The following PLEKHB2 variants were observed in gnomAD, a reference collection of about 807,000 sequenced individuals.
The protein encoded by PLEKHB2 is pleckstrin homology domain containing B2.
PLEKHB2 carries 31 observed loss-of-function variants against 36.5 expected under a neutral mutation model. The observed-to-expected ratio is 0.85, with a 90% CI of 0.64 to 1.15. The LOEUF (loss-of-function observed/expected upper bound fraction) is 1.15, where lower values mean the gene tolerates loss of function less well. PLEKHB2 is among the 50% of genes most tolerant of loss of function. The probability of loss-of-function intolerance (pLI) is 0.00; values close to 1 mark genes in which losing one functional copy is unlikely to be tolerated. For missense variants in PLEKHB2, 262 were observed against 295.3 expected (o/e 0.89, Z 0.83); for synonymous variants, 119 against 112.0 (o/e 1.06, Z -0.39).
intron 4 of PLEKHB2, among the ~76,000 whole-genome samples, chr2:131,130,319 C>T (rs1025480566): frequency 3.3e-5 from 5 of 152,168 alleles, no homozygotes; most frequent in African/African-American, 1.2e-4. Context: ...GCTGGGATTA[C>T]AGGTATGAGG....
chr2:131,126,720 T>C lies in PLEKHB2; in HGVS notation c.227T>C (p.Met76Thr). 6.2e-7 allele frequency: 1 copy of C among 1,611,690 alleles called. No individual in the cohort carries two copies. Among genetic ancestry groups the C allele is most frequent in the Non-Finnish European group, 8.5e-7 (1 of 1,177,714 alleles). ...CCGGATGGAAAGTCAAAAGACTGCA[T>C]GCTCCAGATTGTTTGTCGAGATGGG... ...QPPDGKSKDC[M>T]LQIVCRDGKT... Residue 76 changes from methionine (M) to threonine (T), a missense_variant, in exon 4 of 8, where the codon ATG becomes ACG. By Grantham distance (81) the Met-to-Thr change is moderately conservative (BLOSUM62 -1). Transcript: ENST00000693505.
At chr2:131,130,490 AAAAGT>A (rs1697569270) in intron 4 of PLEKHB2, among the ~76,000 whole-genome samples, 4 of 152,228 alleles carry the variant, frequency 2.6e-5, no homozygotes, top group South Asian at 2.1e-4. Context: ...ACATTTATTA[AAAAGT>A]AAAGTAAAAA....
At chr2:131,107,939 T>G (rs1694902471) in intron 1 of PLEKHB2, 1 of 152,346 alleles carries the variant, frequency 6.6e-6, no homozygotes, top group Non-Finnish European at 1.5e-5. Flanking sequence ...GTTGGGATTA[T>G]AGGCGTGAGC....
At chr2:131,140,345 GT>G (rs1698663238) in intron 7 of PLEKHB2, 70 bp downstream of exon 7, 22 of 787,504 alleles carry the variant, frequency 2.8e-5, no homozygotes, top group South Asian at 2.5e-4. Flanking sequence ...ACCTGTAAAC[GT>G]TTTTATTTTT....
Position 131,143,414 on chromosome 2 carries a change from A to T in PLEKHB2, c.532+3139A>T, listed in dbSNP as rs530477122. On this transcript the variant is annotated intron_variant, in intron 7 of 7. Transcript: ENST00000693505. ...ACTGGCTTCAGCAGTTAACCATATC[A>T]TGTCTAATCTTTTATCTCTACCTCA... 2.7e-4 allele frequency among the ~76,000 whole-genome samples: 41 copies of T among 152,328 alleles called. 3 individuals carry two copies. The South Asian group carries it at 6.2e-3, about 23-fold the overall frequency.
intron 6 of PLEKHB2, among the ~76,000 whole-genome samples, chr2:131,138,478 A>G (rs955479046): frequency 9.2e-5 from 14 of 152,050 alleles, no homozygotes; most frequent in Admixed American, 9.2e-4. Context: ...TAAGTACTGT[A>G]AGACTCTGAA....
intron 1 of PLEKHB2, among the ~76,000 whole-genome samples, chr2:131,119,428 C>T (rs910469229): frequency 9.2e-5 from 14 of 152,248 alleles, no homozygotes; most frequent in African/African-American, 3.1e-4. Context: ...GCAGCACATG[C>T]TGCTCCGCCT....
chr2:131,142,439 G>T (rs889348995), intron 7 of PLEKHB2, among the ~76,000 whole-genome samples: 2 of 151,234 alleles, frequency 1.3e-5, no homozygotes, highest in Admixed American at 6.6e-5. Context: ...ATTGGGTGAT[G>T]TATTATTAAA....
Position 131,120,923 on chromosome 2 carries a change from T to C in PLEKHB2, c.-8-11T>C. On this transcript the variant is annotated splice_polypyrimidine_tract_variant and intron_variant, in intron 1 of 7. Transcript: ENST00000693505. ...GGTATGATTTTGAACCTGCCTGTTT[T>C]TGTTCTGTAGGTGAAGAGATGGCGT... The C allele has an allele frequency of 6.2e-7, 1 of 1,614,108 alleles. No individual in the cohort carries two copies. Among genetic ancestry groups the C allele is most frequent in the South Asian group, 1.1e-5 (1 of 91,086 alleles).
At chr2:131,121,404 A>T (rs1007987988) in intron 2 of PLEKHB2, among the ~76,000 whole-genome samples, 1 of 151,988 alleles carries the variant, frequency 6.6e-6, no homozygotes, top group Non-Finnish European at 1.5e-5. Context: ...ACACACCACC[A>T]TGCCCGGCTA....
rs1699454567 is a variant in PLEKHB2 at position 131,148,533 on chromosome 2, T to C, written c.*1760T>C. ...CTCCAGGTAGCACAGACTTGTTATT[T>C]TGCCTGGCTGGTTACACACATGCTG... On this transcript the variant is annotated 3_prime_UTR_variant, in exon 8 of 8. Transcript: ENST00000693505. 6.6e-6 allele frequency: 1 copy of C among 152,150 alleles called. No homozygotes were observed. Among genetic ancestry groups the C allele is most frequent in the Non-Finnish European group, 1.5e-5 (1 of 68,042 alleles). The allele number at this position is 152,150 out of a possible 1,614,324, so 9.4% of individuals were successfully genotyped here.
At chr2:131,121,162 G>A (rs1239224997) in intron 2 of PLEKHB2, among the ~76,000 whole-genome samples, 184 bp downstream of exon 2, 1 of 152,174 alleles carries the variant, frequency 6.6e-6, no homozygotes, top group Non-Finnish European at 1.5e-5. Flanking sequence ...GCTCCTCCTT[G>A]GTTGCTGAGT....
chr2:131,125,464 G>A (rs1175359559), intron 2 of PLEKHB2, among the ~76,000 whole-genome samples: 1 of 152,202 alleles, frequency 6.6e-6, no homozygotes, highest in Non-Finnish European at 1.5e-5. Context: ...TAAGGGGCCA[G>A]GGGAAGAGTT....
intron 6 of PLEKHB2, among the ~76,000 whole-genome samples, chr2:131,138,214 T>C (rs1166263506): frequency 1.3e-5 from 2 of 152,076 alleles, no homozygotes; most frequent in African/African-American, 4.8e-5. Context: ...ATTCTTTATA[T>C]CTTGATATAT....
intron 2 of PLEKHB2, among the ~76,000 whole-genome samples, chr2:131,122,988 A>G (rs1034787297): frequency 3.3e-5 from 5 of 152,182 alleles, no homozygotes; most frequent in Non-Finnish European, 7.3e-5. Context: ...TTTGAGGGCA[A>G]GCTTTCCCTT....
At chr2:131,121,535 C>T (rs929882882) in intron 2 of PLEKHB2, among the ~76,000 whole-genome samples, 1 of 152,194 alleles carries the variant, frequency 6.6e-6, no homozygotes, top group Non-Finnish European at 1.5e-5. Context: ...GCGTGAGCCA[C>T]CGTGCCCAGC....
intron 6 of PLEKHB2, among the ~76,000 whole-genome samples, chr2:131,137,155 G>C (rs1342048290): frequency 6.7e-6 from 1 of 149,114 alleles, no homozygotes; most frequent in Non-Finnish European, 1.5e-5. Context: ...CACTGTGTTA[G>C]CCAGGACGGT....
chr2:131,144,310 C>T lies in PLEKHB2; in HGVS notation c.533-2327C>T, dbSNP rs117525590. 7.4e-4 allele frequency: 321 copies of T among 434,036 alleles called. 3 individuals carry two copies. In the East Asian group the frequency reaches 9.9e-3, roughly 13 times the overall value. The allele number at this position is 434,036 out of a possible 1,614,324, so 26.9% of individuals were successfully genotyped here. Reference sequence around the variant, plus strand: ...GTAAACATTGTGCTGTGATTTAACCCGCTAGTGGGTGTTCGTTCGGCTCTC... The same window carrying T: ...GTAAACATTGTGCTGTGATTTAACCTGCTAGTGGGTGTTCGTTCGGCTCTC... On this transcript the variant is annotated intron_variant, in intron 7 of 7. Transcript: ENST00000693505.
At chr2:131,141,824 T>C (rs1698818268) in intron 7 of PLEKHB2, among the ~76,000 whole-genome samples, 1 of 152,208 alleles carries the variant, frequency 6.6e-6, no homozygotes, top group African/African-American at 2.4e-5. Context: ...GGTAGACTAA[T>C]TGGTATAAAC....
Sources: gnomAD v4.1 joint callset for allele counts (sites outside exome capture counted in the v4.1 genomes callset) on GRCh38, gnomAD v4.1.1 for gene constraint, MANE v1.5 for transcripts, NCBI Gene and HGNC (gene_info 2026-07-23, HGNC 2026-07-21) for gene names.